DMD: variants seen among roughly 807,000 people sequenced by gnomAD.
DMD encodes dystrophin.
In DMD, 63 loss-of-function variants were observed where a neutral mutation model predicts 330.1. The ratio of observed to expected loss-of-function variants is 0.19; its 90% CI spans 0.16 to 0.24. The LOEUF (loss-of-function observed/expected upper bound fraction) is 0.24, where lower values mean the gene tolerates loss of function less well. DMD is among the 10% of genes least tolerant of loss of function. The pLI is 1.00. For synonymous variants in DMD, 1,223 were observed against 959.8 expected (o/e 1.27, Z -5.07); for missense variants, 3,344 against 2,684.1 (o/e 1.25, Z -5.43).
chrX:31,372,529 A>G (rs2059649440), intron 60 of DMD, among the ~76,000 whole-genome samples: 1 of 112,175 alleles, frequency 8.9e-6, no homozygotes, highest in Non-Finnish European at 1.9e-5. Flanking sequence ...CAGAAAGAAC[A>G]TGAGTTTTGA....
At chrX:32,561,578 T>C (rs1179764568) in intron 16 of DMD, among the ~76,000 whole-genome samples, 1 of 111,134 alleles carries the variant, frequency 9.0e-6, no homozygotes, top group Non-Finnish European at 1.9e-5. Context: ...AAGTTGGAAA[T>C]CACACTTCAG....
At chrX:32,949,609 T>C (rs1391674227) in intron 2 of DMD, among the ~76,000 whole-genome samples, 1 of 111,604 alleles carries the variant, frequency 9.0e-6, no homozygotes, top group Non-Finnish European at 1.9e-5. Context: ...TGTTAGTGTT[T>C]CCCATTTCTC....
intron 1 of DMD, among the ~76,000 whole-genome samples, chrX:33,230,042 G>A (rs763068895): frequency 1.7e-4 from 19 of 112,323 alleles, no homozygotes; most frequent in Middle Eastern, 4.7e-3. Context: ...CACAAAGATT[G>A]CGAACATAGC....
chrX:31,372,960 G>T (rs1363657291), intron 60 of DMD, among the ~76,000 whole-genome samples: 1 of 111,701 alleles, frequency 9.0e-6, no homozygotes, highest in East Asian at 2.8e-4. Context: ...AAGCTGATAA[G>T]CAACTTCAGC....
At chrX:32,152,374 A>T (rs1311760450) in intron 44 of DMD, among the ~76,000 whole-genome samples, 1 of 111,811 alleles carries the variant, frequency 8.9e-6, no homozygotes, top group African/African-American at 3.2e-5. Context: ...TTTCTTCTTT[A>T]TATGAATATA....
intron 1 of DMD, among the ~76,000 whole-genome samples, chrX:33,064,745 C>A (rs1305704650): frequency 2.7e-5 from 3 of 110,405 alleles, no homozygotes; most frequent in Non-Finnish European, 5.7e-5. Flanking sequence ...AAAAATTAGC[C>A]GGGCATGGTG....
rs73188278 is a variant in DMD at position 33,020,951 on chromosome X, G to A, written c.32-751C>T. Among the ~76,000 whole-genome samples the A allele has an allele frequency of 8.2e-3, 906 of 110,886 alleles. 2 individuals carry two copies. Among genetic ancestry groups the A allele is most frequent in the Middle Eastern group, 0.032 (7 of 217 alleles). Reference sequence around the variant, plus strand: ...ACATGGGCCTGATCTCACTATGGAAGAGGTTTCCTGATGAGCAGGAGCATG... The same window carrying A: ...ACATGGGCCTGATCTCACTATGGAAAAGGTTTCCTGATGAGCAGGAGCATG... On this transcript the variant is annotated intron_variant, in intron 1 of 78. Transcript: ENST00000357033.
At position 32,519,328 on chromosome X, in the gene DMD, G is replaced by A. The variant is rs185258533; in HGVS notation, c.2169-1197C>T. ...AAGACAATGTTCATTTCCAGGAGCT[G>A]GTGGGGGTGGAGAGTAGTTGGAAAG... is the stretch of plus-strand genomic sequence containing the variant. On this transcript the variant is annotated intron_variant, in intron 17 of 78. Transcript: ENST00000357033. 4.4e-4 allele frequency among the ~76,000 whole-genome samples: 48 copies of A among 108,373 alleles called. No individual in the cohort carries two copies. The Admixed American group carries it at 4.7e-3, about 11-fold the overall frequency. The allele number at this position is 108,373 out of a possible 115,157, so 94.1% of individuals were successfully genotyped here. A position where few individuals can be genotyped will look rare whatever the true frequency, so the allele number is the denominator to read the frequency against.
intron 7 of DMD, among the ~76,000 whole-genome samples, chrX:32,761,558 A>G (rs1286206290): frequency 8.9e-6 from 1 of 112,149 alleles, no homozygotes; most frequent in Non-Finnish European, 1.9e-5. Context: ...AATCAAAGTC[A>G]GATGCCATAA....
chrX:32,197,173 A>C (rs1392100562), intron 44 of DMD, among the ~76,000 whole-genome samples: 1 of 109,538 alleles, frequency 9.1e-6, no homozygotes, highest in African/African-American at 3.3e-5. Flanking sequence ...TCTCTTTTTT[A>C]TTTTAATTTT....
chrX:32,310,541 G>A (rs933647659), intron 41 of DMD, among the ~76,000 whole-genome samples: 1 of 111,268 alleles, frequency 9.0e-6, no homozygotes, highest in East Asian at 2.8e-4. Flanking sequence ...AAGACCATGA[G>A]GTCATAAGGA....
At chrX:33,204,101 T>A (rs1383102623) in intron 1 of DMD, among the ~76,000 whole-genome samples, 1 of 112,200 alleles carries the variant, frequency 8.9e-6, no homozygotes, top group Non-Finnish European at 1.9e-5. Flanking sequence ...TAGTCCTTCA[T>A]CTACCCTAGG....
intron 48 of DMD, among the ~76,000 whole-genome samples, chrX:31,871,439 A>G (rs1425923123): frequency 9.0e-6 from 1 of 110,785 alleles, no homozygotes; most frequent in African/African-American, 3.3e-5. Flanking sequence ...CATTTCATCA[A>G]TAAGAGTGAA....
chrX:32,603,183 G>T, intron 12 of DMD, among the ~76,000 whole-genome samples: 1 of 110,642 alleles, frequency 9.0e-6, no homozygotes, highest in Middle Eastern at 4.6e-3. Context: ...GCACCACAGT[G>T]GAAAAAAACT....
intron 22 of DMD, among the ~76,000 whole-genome samples, chrX:32,470,969 T>A (rs1256846847): frequency 2.7e-5 from 3 of 111,934 alleles, no homozygotes; most frequent in Non-Finnish European, 3.8e-5. Context: ...ACATATAATG[T>A]AGTATTTTAT....
At chrX:32,321,229 A>G (rs1490776903) in intron 41 of DMD, among the ~76,000 whole-genome samples, 1 of 111,314 alleles carries the variant, frequency 9.0e-6, no homozygotes, top group Non-Finnish European at 1.9e-5. Context: ...TTTCTGTTTC[A>G]CTTTGAACTG....
At chrX:31,784,918 T>C (rs755587000) in intron 50 of DMD, among the ~76,000 whole-genome samples, 19 of 112,160 alleles carry the variant, frequency 1.7e-4, no homozygotes, top group Non-Finnish European at 3.4e-4. Flanking sequence ...AATCCCAGTG[T>C]AAATCAATGA....
At chrX:33,307,243 G>T (rs902637234) in intron 1 of DMD, among the ~76,000 whole-genome samples, 2 of 111,495 alleles carry the variant, frequency 1.8e-5, no homozygotes, top group South Asian at 3.8e-4. Context: ...ATTTCTACTG[G>T]CTGGCCCTAT....
At chrX:32,782,826 A>T (rs755453737) in intron 7 of DMD, among the ~76,000 whole-genome samples, 249 of 108,405 alleles carry the variant, frequency 2.3e-3, no homozygotes, top group African/African-American at 8.0e-3. Flanking sequence ...CTTATTCCAT[A>T]TTGTATGCCT....
Sources: allele counts gnomAD v4.1 joint callset (sites outside exome capture counted in the v4.1 genomes callset), GRCh38; gene constraint gnomAD v4.1.1; transcripts MANE v1.5; gene names NCBI Gene and HGNC (gene_info 2026-07-23, HGNC 2026-07-21).